The following PATJ variants were observed in gnomAD, a reference collection of about 807,000 sequenced individuals.
PATJ encodes the protein inaD-like protein.
Under a neutral mutation model 224.9 loss-of-function variants are expected in PATJ, and 190 were observed. The observed-to-expected ratio is 0.84, with a 90% CI of 0.75 to 0.95. PATJ has a LOEUF of 0.95. PATJ is among the 40% of genes least tolerant of loss of function. PATJ has a pLI of 0.00. For synonymous variants in PATJ, 769 were observed against 820.3 expected (o/e 0.94, Z 1.07); for missense variants, 2,121 against 2,270.3 (o/e 0.93, Z 1.34).
chr1:61,914,646 C>T lies in PATJ; in HGVS notation c.3552C>T (p.Thr1184=), dbSNP rs750028780. The T allele has an allele frequency of 9.5e-6, 15 of 1,575,940 alleles. No individual in the cohort carries two copies. The highest frequency in any genetic ancestry group is 1.3e-5 in the Non-Finnish European group (15 of 1,146,368). ...NKITGNQNQD[T]QEKKEKRQGT... ...TCACCGGTAACCAGAACCAGGACAC[C>T]CAAGAAAAGAAAGAAAAGGTAACTT... The change falls in exon 26 of 44, where the codon ACC becomes ACT. Residue 1184 remains threonine, a synonymous_variant. Transcript: ENST00000642238.
chr1:61,811,391 G>A (rs1009500880), intron 14 of PATJ, among the ~76,000 whole-genome samples: 1 of 151,880 alleles, frequency 6.6e-6, no homozygotes, highest in African/African-American at 2.4e-5. Flanking sequence ...ACCACGCCTG[G>A]CTAATTTTTT....
In PATJ at chr1:61,778,956, C is replaced by T. The variant is rs139154834; in HGVS notation, c.849+3622C>T. 5.7e-3 allele frequency among the ~76,000 whole-genome samples: 869 copies of T among 152,126 alleles called. 9 individuals carry two copies. Among genetic ancestry groups the T allele is most frequent in the African/African-American group, 0.02 (835 of 41,494 alleles). Reference sequence around the variant, plus strand: ...CCTTATGATCCATCTGCCTCGGCCTCCCAAAGTGCTAGGATTACAGGTGTG... The same window carrying T: ...CCTTATGATCCATCTGCCTCGGCCTTCCAAAGTGCTAGGATTACAGGTGTG... On this transcript the variant is annotated intron_variant, in intron 7 of 43. Transcript: ENST00000642238.
chr1:61,944,777 G>A (rs1678398828), intron 27 of PATJ, among the ~76,000 whole-genome samples: 1 of 152,158 alleles, frequency 6.6e-6, no homozygotes, highest in African/African-American at 2.4e-5. Context: ...AAAATTGTCA[G>A]ATTCACCGAA....
At chr1:61,795,340 G>A in intron 9 of PATJ, 127 bp from the exon 10 acceptor site, 1 of 505,488 alleles carries the variant, frequency 2.0e-6, no homozygotes, top group Non-Finnish European at 3.6e-6. Flanking sequence ...TTCTCTGCTT[G>A]TGTTCAAAAT....
In PATJ at chr1:62,116,560, A is replaced by G. The variant is rs1337979218; in HGVS notation, c.4684A>G (p.Ile1562Val). The change falls in exon 36 of 44, where the codon ATC becomes GTC. Residue 1562 changes from isoleucine (I) to valine (V), a missense_variant. Coordinates refer to ENST00000642238, the MANE Select transcript of PATJ (RefSeq NM_001350145.3). ...TGGAAGCGGAGTGTTTATTTCTGAC[A>G]TCGTGAAAGGCGGAGCCGCAGACCT... is the stretch of plus-strand genomic sequence containing the variant. ...RNGSGVFISD[I>V]VKGGAADLDG... The G allele has an allele frequency of 8.1e-6, 13 of 1,614,076 alleles. No homozygotes were observed. The highest frequency in any genetic ancestry group is 1.1e-5 in the South Asian group (1 of 91,056).
chr1:62,062,309 C>T (rs1655607516), intron 31 of PATJ, among the ~76,000 whole-genome samples: 2 of 148,590 alleles, frequency 1.3e-5, no homozygotes, highest in Admixed American at 1.3e-4. Context: ...GGTGGTATCT[C>T]ATGGTTTTGA....
chr1:62,109,041 C>A (rs186246499), intron 34 of PATJ, among the ~76,000 whole-genome samples: 51 of 152,254 alleles, frequency 3.3e-4, no homozygotes, highest in African/African-American at 1.2e-3. Context: ...AATTGAAATG[C>A]TTAACTTTTT....
intron 17 of PATJ, among the ~76,000 whole-genome samples, chr1:61,837,253 A>G (rs145656169): frequency 9.2e-5 from 14 of 152,360 alleles, no homozygotes; most frequent in African/African-American, 3.1e-4. Flanking sequence ...GAAAATAAAC[A>G]CAAAAGTTTT....
At chr1:62,055,100 G>C (rs992775917) in intron 31 of PATJ, among the ~76,000 whole-genome samples, 1 of 152,120 alleles carries the variant, frequency 6.6e-6, no homozygotes, top group Non-Finnish European at 1.5e-5. Context: ...ATGGTGTTTA[G>C]TTGGTTTGTG....
chr1:61,817,648 C>T (rs570522623), intron 14 of PATJ, among the ~76,000 whole-genome samples: 5 of 151,990 alleles, frequency 3.3e-5, no homozygotes, highest in Non-Finnish European at 7.4e-5. Flanking sequence ...GCAACAAGAG[C>T]GAAACTCTGT....
chr1:62,125,236 C>CAAAAAAAAAAAAAAAAAAAA lies in PATJ; in HGVS notation c.5043+2195_5043+2196insAAAAAAAAAAAAAAAAAAAA, dbSNP rs761278812. Among the ~76,000 whole-genome samples, 9 of 27,742 alleles carry CAAAAAAAAAAAAAAAAAAAA rather than the reference C, an allele frequency of 3.2e-4. 1 individual carries two copies. Among genetic ancestry groups the CAAAAAAAAAAAAAAAAAAAA allele is most frequent in the East Asian group, 2.7e-3 (2 of 732 alleles). 18.2% of individuals were successfully genotyped at this position (27,742 alleles called of 152,430 possible). A position where few individuals can be genotyped will look rare whatever the true frequency, so the allele number is the denominator to read the frequency against. ...TGGGTGACAGAGTAAAACCCTGTCT[C>CAAAAAAAAAAAAAAAAAAAA]AAAAAAAAAAAAAAAAACAAAAAAA... is the stretch of plus-strand genomic sequence containing the variant. On this transcript the variant is annotated intron_variant, in intron 39 of 43. Coordinates refer to ENST00000642238, the MANE Select transcript of PATJ (RefSeq NM_001350145.3).
Position 62,161,185 on chromosome 1 carries a change from G to T in PATJ, c.*131G>T, listed in dbSNP as rs1052605676. 17 of 626,720 alleles carry T rather than the reference G, an allele frequency of 2.7e-5. No homozygotes were observed. The highest frequency in any genetic ancestry group is 3.8e-5 in the Non-Finnish European group (16 of 421,066). The allele number at this position is 626,720 out of a possible 1,614,324, so 38.8% of individuals were successfully genotyped here. A position where few individuals can be genotyped will look rare whatever the true frequency, so the allele number is the denominator to read the frequency against. The stretch of plus-strand genomic sequence containing the variant: ...TCTTATTTCTTGCCCTCTCTGCTCA[G>T]GAGAAATGGCTGAGGTTTCATGTGA... On this transcript the variant is annotated 3_prime_UTR_variant, in exon 44 of 44. Coordinates refer to ENST00000642238, the MANE Select transcript of PATJ (RefSeq NM_001350145.3).
At chr1:61,796,997 G>T (rs559447275) in intron 10 of PATJ, among the ~76,000 whole-genome samples, 2 of 152,134 alleles carry the variant, frequency 1.3e-5, no homozygotes, top group African/African-American at 4.8e-5. Flanking sequence ...CTCCCGAGTA[G>T]CTGGGTCTGC....
intron 27 of PATJ, among the ~76,000 whole-genome samples, chr1:61,975,740 G>A (rs1225385441): frequency 6.6e-6 from 1 of 151,998 alleles, no homozygotes; most frequent in African/African-American, 2.4e-5. Flanking sequence ...CTTGGTCCTA[G>A]CAGGAGTTTC....
chr1:62,117,068 TTAAGA>T (rs1570670246), intron 36 of PATJ, 59 bp from the exon 37 acceptor site: 3 of 1,349,142 alleles, frequency 2.2e-6, no homozygotes, highest in Admixed American at 1.7e-5. Context: ...AGAGGCTCTG[TTAAGA>T]TATTTCAGAA....
chr1:62,122,553 G>T (rs547485285), intron 38 of PATJ, among the ~76,000 whole-genome samples: 1 of 152,088 alleles, frequency 6.6e-6, no homozygotes, highest in African/African-American at 2.4e-5. Flanking sequence ...GGCCGGGCAC[G>T]GTGGCTCACG....
intron 5 of PATJ, among the ~76,000 whole-genome samples, 153 bp downstream of exon 5, chr1:61,769,575 G>A (rs72927689): frequency 0.02 from 3,023 of 152,218 alleles, 70 homozygotes; most frequent in African/African-American, 0.051. Context: ...GGCCTTTTGC[G>A]AAAATCCTAT....
chr1:61,801,695 A>T lies in PATJ; in HGVS notation c.1475A>T (p.Asp492Val), dbSNP rs1034504610. Residue 492 changes from aspartate to valine, a missense_variant, in exon 12 of 44, where the codon GAT becomes GTT. Asp to Val is a radical substitution (Grantham distance 152, BLOSUM62 -3). Coordinates refer to ENST00000642238, the MANE Select transcript of PATJ (RefSeq NM_001350145.3). ...TGAVETETNV[D>V]GEDEEIKERI... ...GCAGTGGAAACTGAAACTAATGTGG[A>T]TGGTGAAGATGAGGAAATTAAAGAA... The T allele has an allele frequency of 6.3e-6, 10 of 1,599,640 alleles. No individual in the cohort carries two copies. In the African/African-American group the frequency reaches 1.3e-4, roughly 21 times the overall value.
chr1:61,933,493 A>G (rs1676338185), intron 27 of PATJ, among the ~76,000 whole-genome samples: 1 of 150,936 alleles, frequency 6.6e-6, no homozygotes, highest in Non-Finnish European at 1.5e-5. Context: ...GTGAGCCGAG[A>G]TCGTGCCACT....
Sources: allele counts gnomAD v4.1 joint callset (sites outside exome capture counted in the v4.1 genomes callset), GRCh38; gene constraint gnomAD v4.1.1; transcripts MANE v1.5; gene names NCBI Gene and HGNC (gene_info 2026-07-23, HGNC 2026-07-21).